KAZN: variants seen among roughly 807,000 people sequenced by gnomAD.
KAZN encodes the protein kazrin.
A neutral mutation model predicts 87.4 loss-of-function variants in KAZN; 40 were observed. The ratio of observed to expected loss-of-function variants is 0.46; its 90% CI spans 0.36 to 0.60. The LOEUF (loss-of-function observed/expected upper bound fraction) is 0.60, where lower values mean the gene tolerates loss of function less well. Ranked by LOEUF, KAZN falls within the 20% of genes least tolerant of loss-of-function variation. The pLI is 0.00. For missense variants in KAZN, 898 were observed against 1,073.9 expected (o/e 0.84, Z 2.29); for synonymous variants, 466 against 458.3 (o/e 1.02, Z -0.22).
intron 2 of KAZN, among the ~76,000 whole-genome samples, chr1:14,371,537 G>C (rs1323966937): frequency 6.6e-6 from 1 of 152,156 alleles, no homozygotes; most frequent in East Asian, 1.9e-4. Context: ...AGCCCCAAAA[G>C]CATCTCAGTC....
chr1:14,972,825 T>C (rs949120046), intron 2 of KAZN, among the ~76,000 whole-genome samples: 1 of 151,982 alleles, frequency 6.6e-6, no homozygotes, highest in Non-Finnish European at 1.5e-5. Context: ...GTGAGCTCTT[T>C]TTGTAGAGTA....
chr1:15,099,372 G>A lies in KAZN; in HGVS notation c.1548-2171G>A, dbSNP rs905905354. On this transcript the variant is annotated intron_variant, in intron 10 of 14. Coordinates refer to ENST00000376030, the MANE Select transcript of KAZN (RefSeq NM_201628.3). The surrounding 1 kb of genome is among the most constrained non-coding windows in gnomAD (Gnocchi z 5.4). ...AGAAAATAAATTAGTGGACAAACCA[G>A]CAATTGCTTAGGTTCAGTATGTGAT... Among the ~76,000 whole-genome samples the A allele has an allele frequency of 6.6e-6, 1 of 152,228 alleles. No individual in the cohort carries two copies. The highest frequency in any genetic ancestry group is 1.9e-4 in the East Asian group (1 of 5,194).
intron 2 of KAZN, among the ~76,000 whole-genome samples, chr1:15,009,217 C>A (rs1669338509): frequency 6.6e-6 from 1 of 152,200 alleles, no homozygotes; most frequent in African/African-American, 2.4e-5. Context: ...TTAAAGCACG[C>A]CCAGGGTTAG....
chr1:14,045,933 A>T (rs1642050758), intron 1 of KAZN, among the ~76,000 whole-genome samples: 1 of 152,202 alleles, frequency 6.6e-6, no homozygotes, highest in Non-Finnish European at 1.5e-5. Context: ...AATAAGTGTG[A>T]TATATAACTG....
At chr1:14,785,430 C>T (rs900534407) in intron 1 of KAZN, among the ~76,000 whole-genome samples, 5 of 152,068 alleles carry the variant, frequency 3.3e-5, no homozygotes. Context: ...ACAAATATGG[C>T]GCCAAATCTT....
intron 2 of KAZN, among the ~76,000 whole-genome samples, chr1:14,256,640 C>T (rs949753991): frequency 6.6e-6 from 1 of 152,116 alleles, no homozygotes; most frequent in East Asian, 1.9e-4. Context: ...GGAGCCCATC[C>T]CTTCTTGGCT....
chr1:15,009,602 A>G (rs1669377879), intron 2 of KAZN, among the ~76,000 whole-genome samples: 1 of 152,236 alleles, frequency 6.6e-6, no homozygotes, highest in Non-Finnish European at 1.5e-5. Flanking sequence ...GACAGCTGTC[A>G]GCTCCATAGC....
intron 1 of KAZN, among the ~76,000 whole-genome samples, chr1:14,925,321 G>C (rs1387463430): frequency 6.6e-6 from 1 of 152,184 alleles, no homozygotes; most frequent in Admixed American, 6.5e-5. Flanking sequence ...AGAAACCTTA[G>C]AAGACGAAGG....
At chr1:13,912,231 G>C (rs972405930) in intron 1 of KAZN, among the ~76,000 whole-genome samples, 13 of 152,282 alleles carry the variant, frequency 8.5e-5, no homozygotes, top group African/African-American at 3.1e-4. Flanking sequence ...GCACCGTAGA[G>C]TGTTCAGGTC....
At position 13,948,530 on chromosome 1, in the gene KAZN, C is replaced by T. The variant is rs527451064; in HGVS notation, c.91+54774C>T. Among the ~76,000 whole-genome samples, 392 of 152,212 alleles carry T rather than the reference C, an allele frequency of 2.6e-3. 4 individuals are homozygous for T. The highest frequency in any genetic ancestry group is 8.6e-3 in the African/African-American group (358 of 41,528). ...CTTTTCGGTGTAAATTACCCAGTCT[C>T]TGGTATTTCTTCATAGCAGTGTGAG... On this transcript the variant is annotated intron_variant, in intron 1 of 16. Transcript: ENST00000636203.
chr1:14,290,572 T>C (rs888960147), intron 2 of KAZN, among the ~76,000 whole-genome samples: 2 of 152,190 alleles, frequency 1.3e-5, no homozygotes, highest in African/African-American at 4.8e-5. Context: ...TAGTTAGCCA[T>C]TTATCTAATC....
At chr1:14,380,070 A>C (rs1031613021) in intron 2 of KAZN, among the ~76,000 whole-genome samples, 1 of 152,364 alleles carries the variant, frequency 6.6e-6, no homozygotes, top group East Asian at 1.9e-4. Context: ...AAAGAACAAG[A>C]GTCTGCCTGG....
intron 1 of KAZN, among the ~76,000 whole-genome samples, chr1:13,899,490 A>G (rs115253844): frequency 7.3e-4 from 111 of 152,304 alleles, no homozygotes; most frequent in African/African-American, 2.6e-3. Context: ...TGTGCCAGCA[A>G]ATGACTGTTT....
At chr1:14,419,856 C>G (rs78967410) in intron 2 of KAZN, among the ~76,000 whole-genome samples, 22 of 151,988 alleles carry the variant, frequency 1.4e-4, no homozygotes, top group Non-Finnish European at 8.8e-5. Context: ...ACCTTTGCGG[C>G]GAGTATTACA....
chr1:14,377,918 A>G (rs1661044889), intron 2 of KAZN, among the ~76,000 whole-genome samples: 1 of 152,224 alleles, frequency 6.6e-6, no homozygotes. Context: ...AAAACTGAGA[A>G]TGTCTCCAGA....
At chr1:14,507,399 TAGAAAC>T (rs1281442635) in intron 2 of KAZN, among the ~76,000 whole-genome samples, 1 of 152,164 alleles carries the variant, frequency 6.6e-6, no homozygotes, top group African/African-American at 2.4e-5. Context: ...TAAAATCTGA[TAGAAAC>T]AGAGTGTGCA....
At chr1:13,932,008 ATTTTTTTT>A (rs35231877) in intron 1 of KAZN, among the ~76,000 whole-genome samples, 15 of 122,918 alleles carry the variant, frequency 1.2e-4, no homozygotes, top group Non-Finnish European at 2.3e-4. Flanking sequence ...GGCTTGGCTA[ATTTTTTTT>A]TTTTTTTTTT....
intron 2 of KAZN, among the ~76,000 whole-genome samples, chr1:14,464,001 A>G (rs1439082720): frequency 2.0e-5 from 3 of 152,180 alleles, no homozygotes; most frequent in Non-Finnish European, 4.4e-5. Context: ...CGTGAAACCT[A>G]AGGAACACTA....
intron 1 of KAZN, among the ~76,000 whole-genome samples, chr1:14,153,370 G>A (rs183248487): frequency 7.2e-5 from 11 of 152,140 alleles, no homozygotes; most frequent in South Asian, 4.1e-4. Context: ...TTCCATTTTC[G>A]TATATGTTGA....
Sources: gnomAD v4.1 joint callset for allele counts (sites outside exome capture counted in the v4.1 genomes callset) on GRCh38, gnomAD v4.1.1 for gene constraint, Gnocchi (gnomAD v3.1) non-coding constraint, MANE v1.5 for transcripts, NCBI Gene and HGNC (gene_info 2026-07-23, HGNC 2026-07-21) for gene names.